Variants in LCLAT1 observed in about 807,000 individuals in gnomAD.
The protein encoded by LCLAT1 is lysocardiolipin acyltransferase 1.
In LCLAT1, 11 loss-of-function variants were observed where a neutral mutation model predicts 30.7. The ratio of observed to expected loss-of-function variants is 0.36; its 90% confidence interval spans 0.23 to 0.59. LCLAT1 has a LOEUF of 0.59. Ranked by LOEUF, LCLAT1 falls within the 20% of genes least tolerant of loss-of-function variation. The pLI is 0.77. For synonymous variants in LCLAT1, 155 were observed against 151.3 expected (o/e 1.02, Z -0.18); for missense variants, 402 against 458.6 (o/e 0.88, Z 1.13).
intron 1 of LCLAT1, among the ~76,000 whole-genome samples, chr2:30,517,747 GAGTC>G (rs1685252320): frequency 6.6e-6 from 1 of 152,124 alleles, no homozygotes; most frequent in Admixed American, 6.6e-5. Context: ...GAAACAAAGG[GAGTC>G]AGAGAGAGAC....
At chr2:30,566,150 A>G (rs57890362) in intron 4 of LCLAT1, among the ~76,000 whole-genome samples, 122 of 152,218 alleles carry the variant, frequency 8.0e-4, no homozygotes, top group African/African-American at 2.9e-3. Flanking sequence ...AAAAGTCTAC[A>G]TCTCTAATCT....
intron 5 of LCLAT1, among the ~76,000 whole-genome samples, chr2:30,596,562 A>G (rs1666938499): frequency 6.6e-6 from 1 of 151,354 alleles, no homozygotes; most frequent in African/African-American, 2.4e-5. Flanking sequence ...AGATGGATAG[A>G]TTGCAAAAAT....
intron 1 of LCLAT1, among the ~76,000 whole-genome samples, chr2:30,463,220 A>T (rs1199943008): frequency 6.6e-6 from 1 of 152,070 alleles, no homozygotes; most frequent in Admixed American, 6.5e-5. Flanking sequence ...AACCATGTTT[A>T]TTTTTATTAT....
At chr2:30,582,914 T>C (rs1666265639) in intron 5 of LCLAT1, among the ~76,000 whole-genome samples, 1 of 152,240 alleles carries the variant, frequency 6.6e-6, no homozygotes, top group African/African-American at 2.4e-5. Context: ...GCTTGTAACA[T>C]TTACATAAAT....
At chr2:30,623,792 C>T (rs1236054861) in intron 5 of LCLAT1, among the ~76,000 whole-genome samples, 1 of 152,138 alleles carries the variant, frequency 6.6e-6, no homozygotes, top group Non-Finnish European at 1.5e-5. Flanking sequence ...AAAAGATCAT[C>T]GCCTAGGCAC....
chr2:30,567,941 T>A, intron 4 of LCLAT1, 119 bp from the exon 5 acceptor site: 1 of 588,470 alleles, frequency 1.7e-6, no homozygotes, highest in Non-Finnish European at 3.0e-6. Flanking sequence ...TGACTCAGTA[T>A]TCAGTAATTA....
intron 5 of LCLAT1, among the ~76,000 whole-genome samples, chr2:30,626,947 G>A (rs76285132): frequency 0.021 from 3,214 of 152,248 alleles, 50 homozygotes; most frequent in Non-Finnish European, 0.028. Context: ...ATGTGAGAAT[G>A]TGCATCATAA....
At chr2:30,458,173 G>T (rs1681928322) in intron 1 of LCLAT1, among the ~76,000 whole-genome samples, 1 of 152,198 alleles carries the variant, frequency 6.6e-6, no homozygotes, top group African/African-American at 2.4e-5. Context: ...CTAATATGCA[G>T]TGACCTTGCT....
At chr2:30,479,180 T>G (rs570154934) in intron 1 of LCLAT1, among the ~76,000 whole-genome samples, 1 of 152,268 alleles carries the variant, frequency 6.6e-6, no homozygotes, top group East Asian at 1.9e-4. Context: ...ACATGTTGAA[T>G]AAAAGCAGCC....
Position 30,560,696 on chromosome 2 carries a change from T to C in LCLAT1, c.365-1450T>C, listed in dbSNP as rs188496181. ...GATTATGTATATGTATTATCAGGGT[T>C]CTGTTGTATTTATCAAATGATGATA... is the stretch of plus-strand genomic sequence containing the variant. On this transcript the variant is annotated intron_variant, in intron 3 of 5. Transcript: ENST00000379509. Among the ~76,000 whole-genome samples, 241 of 152,272 alleles carry C rather than the reference T, an allele frequency of 1.6e-3. 3 individuals carry two copies. The highest frequency in any genetic ancestry group is 2.4e-3 in the Non-Finnish European group (160 of 68,016).
chr2:30,489,600 C>T (rs1433970089), intron 1 of LCLAT1, among the ~76,000 whole-genome samples: 1 of 152,198 alleles, frequency 6.6e-6, no homozygotes, highest in Non-Finnish European at 1.5e-5. Context: ...GATCTGCCCG[C>T]CTTGGCCTCC....
intron 5 of LCLAT1, among the ~76,000 whole-genome samples, chr2:30,610,931 T>C (rs1667705672): frequency 6.6e-6 from 1 of 152,150 alleles, no homozygotes; most frequent in African/African-American, 2.4e-5. Context: ...CCTTGTGCTT[T>C]TCTTCAGTTT....
At chr2:30,539,174 C>T (rs1042514589) in intron 3 of LCLAT1, among the ~76,000 whole-genome samples, 4 of 150,138 alleles carry the variant, frequency 2.7e-5, no homozygotes, top group Admixed American at 2.0e-4. Context: ...TGGCCAGGAT[C>T]TCTTGACCTC....
chr2:30,591,483 G>A (rs1666691468), intron 5 of LCLAT1, among the ~76,000 whole-genome samples: 1 of 152,100 alleles, frequency 6.6e-6, no homozygotes, highest in South Asian at 2.1e-4. Flanking sequence ...AAATGAAAGA[G>A]TGCTTTTAGA....
At chr2:30,629,254 C>T (rs996754810) in intron 5 of LCLAT1, among the ~76,000 whole-genome samples, 3 of 152,016 alleles carry the variant, frequency 2.0e-5, no homozygotes, top group Non-Finnish European at 4.4e-5. Context: ...TTTTTCTCAT[C>T]AAAGACATAA....
At chr2:30,540,938 C>T (rs1052929473) in intron 3 of LCLAT1, among the ~76,000 whole-genome samples, 3 of 152,156 alleles carry the variant, frequency 2.0e-5, no homozygotes, top group Non-Finnish European at 4.4e-5. Flanking sequence ...GCTGAGATTA[C>T]AGGTGTGAGC....
chr2:30,493,751 A>G (rs1319501618), intron 1 of LCLAT1, among the ~76,000 whole-genome samples: 1 of 152,102 alleles, frequency 6.6e-6, no homozygotes, highest in African/African-American at 2.4e-5. Context: ...GGGGCTATCA[A>G]ATCAGATGAA....
intron 1 of LCLAT1, among the ~76,000 whole-genome samples, chr2:30,469,646 T>C (rs550845301): frequency 1.3e-5 from 2 of 150,122 alleles, no homozygotes; most frequent in African/African-American, 2.5e-5. Context: ...TGGTGTGATC[T>C]GGACTCACTA....
intron 1 of LCLAT1, among the ~76,000 whole-genome samples, chr2:30,501,168 A>G (rs1178697386): frequency 6.6e-6 from 1 of 151,642 alleles, no homozygotes; most frequent in Non-Finnish European, 1.5e-5. Context: ...TAGTTGGGCA[A>G]GAAGGTGAAT....
Sources: gnomAD v4.1 joint callset for allele counts (sites outside exome capture counted in the v4.1 genomes callset) on GRCh38, gnomAD v4.1.1 for gene constraint, MANE v1.5 for transcripts, NCBI Gene and HGNC (gene_info 2026-07-23, HGNC 2026-07-21) for gene names.